Variants in CATSPERD observed in about 807,000 individuals in gnomAD.
CATSPERD encodes cation channel sperm-associated auxiliary subunit delta.
A neutral mutation model predicts 98.1 loss-of-function variants in CATSPERD; 86 were observed. The ratio of observed to expected loss-of-function variants is 0.88; its 90% CI spans 0.74 to 1.05. CATSPERD has a LOEUF of 1.05. Ranked by LOEUF, CATSPERD falls within the 50% of genes least tolerant of loss-of-function variation. The pLI is 0.00. For synonymous variants in CATSPERD, 394 were observed against 390.2 expected (o/e 1.01, Z -0.12); for missense variants, 995 against 1,005.7 (o/e 0.99, Z 0.14).
At chr19:5,734,240 C>T (rs567412061) in intron 5 of CATSPERD, among the ~76,000 whole-genome samples, 3 of 152,328 alleles carry the variant, frequency 2.0e-5, no homozygotes, top group Non-Finnish European at 2.9e-5. Flanking sequence ...CGCTGGCTCA[C>T]GCCTGTGATC....
chr19:5,736,983 G>A (rs1222872358), intron 5 of CATSPERD, among the ~76,000 whole-genome samples, 155 bp from the exon 6 acceptor site: 2 of 152,100 alleles, frequency 1.3e-5, no homozygotes, highest in African/African-American at 4.8e-5. Context: ...CATGAACCCG[G>A]GAGGTGGAGC....
At chr19:5,730,561 A>AAATAAATAAAT (rs138756212) in intron 4 of CATSPERD, among the ~76,000 whole-genome samples, 46 of 149,288 alleles carry the variant, frequency 3.1e-4, no homozygotes, top group African/African-American at 8.6e-4. Context: ...ATAATAAAAT[A>AAATAAATAAAT]AAATAAATAA....
chr19:5,725,023 C>T (rs1385742251), intron 2 of CATSPERD, among the ~76,000 whole-genome samples, 161 bp downstream of exon 2: 1 of 152,140 alleles, frequency 6.6e-6, no homozygotes, highest in Non-Finnish European at 1.5e-5. Context: ...AGGGATTAAT[C>T]TTTCCCATTT....
At chr19:5,732,966 C>T (rs2055757101) in intron 4 of CATSPERD, among the ~76,000 whole-genome samples, 1 of 151,684 alleles carries the variant, frequency 6.6e-6, no homozygotes, top group African/African-American at 2.4e-5. Context: ...CGTGAGCCAC[C>T]ATGCTCGGCC....
At chr19:5,735,937 T>C (rs2055836932) in intron 5 of CATSPERD, among the ~76,000 whole-genome samples, 1 of 151,766 alleles carries the variant, frequency 6.6e-6, no homozygotes, top group African/African-American at 2.4e-5. Flanking sequence ...CCTGCCACCA[T>C]GCCTAGCTAA....
chr19:5,771,562 C>T (rs1338187791), intron 19 of CATSPERD, among the ~76,000 whole-genome samples: 2 of 151,854 alleles, frequency 1.3e-5, no homozygotes, highest in African/African-American at 4.8e-5. Context: ...TATGCCTGTG[C>T]ACTCCTGCTG....
At chr19:5,722,557 T>C in intron 1 of CATSPERD, among the ~76,000 whole-genome samples, 1 of 152,140 alleles carries the variant, frequency 6.6e-6, no homozygotes, top group East Asian at 1.9e-4. Context: ...GTTCTGAAAA[T>C]GTGGGTTATA....
At chr19:5,733,999 G>GT in intron 5 of CATSPERD, 29 bp downstream of exon 5, 1 of 1,428,496 alleles carries the variant, frequency 7.0e-7, no homozygotes, top group Non-Finnish European at 9.7e-7. Flanking sequence ...TTTAAATTTT[G>GT]TTTGAGTGTA....
Position 5,778,547 on chromosome 19 carries a change from G to T in CATSPERD, c.2268G>T (p.Lys756Asn), listed in dbSNP as rs375385002. ...GCACAGCACGCGGCCGCAGGATCAA[G>T]AAGTGTGCGACACAGCTGTGTAGGA... is the stretch of plus-strand genomic sequence containing the variant. ...LLRTARGRRI[K>N]KCATQLCRRC... The change falls in exon 22 of 22, where the codon AAG becomes AAT. Residue 756 changes from lysine (K) to asparagine (N), a missense_variant. This residue lies in a region of CATSPERD where 762 missense variants were observed against 773.7 expected (regional missense o/e 0.98). Coordinates refer to ENST00000381624, the MANE Select transcript of CATSPERD (RefSeq NM_152784.4). 1.2e-6 allele frequency: 2 copies of T among 1,613,986 alleles called. No homozygotes were observed. The highest frequency in any genetic ancestry group is 1.7e-5 in the Admixed American group (1 of 59,998).
intron 3 of CATSPERD, among the ~76,000 whole-genome samples, chr19:5,728,760 G>T (rs542225026): frequency 6.7e-6 from 1 of 150,156 alleles, no homozygotes. Flanking sequence ...ATGCAGTGGC[G>T]CAATCTCGGC....
At chr19:5,721,393 C>G (rs985181682) in intron 1 of CATSPERD, among the ~76,000 whole-genome samples, 1 of 152,104 alleles carries the variant, frequency 6.6e-6, no homozygotes, top group Non-Finnish European at 1.5e-5. Flanking sequence ...CTCACTGCAA[C>G]CCCCGCCTCC....
intron 15 of CATSPERD, among the ~76,000 whole-genome samples, chr19:5,760,918 G>A (rs1209618093): frequency 1.3e-5 from 2 of 150,460 alleles, no homozygotes; most frequent in African/African-American, 4.9e-5. Context: ...GACCCTGGGC[G>A]ACAGAGCGAG....
intron 3 of CATSPERD, 125 bp downstream of exon 3, chr19:5,727,469 A>G (rs1326725987): frequency 1.4e-6 from 1 of 702,912 alleles, no homozygotes; most frequent in Non-Finnish European, 2.5e-6. Flanking sequence ...GCTGGCCTGT[A>G]GGGAGTCCAT....
intron 13 of CATSPERD, among the ~76,000 whole-genome samples, chr19:5,755,955 TG>T (rs2056316652): frequency 6.6e-6 from 1 of 152,040 alleles, no homozygotes; most frequent in Non-Finnish European, 1.5e-5. Context: ...CACTCCAGCC[TG>T]GGTAACAGAG....
chr19:5,758,968 G>A, intron 14 of CATSPERD, 118 bp from the exon 15 acceptor site: 3 of 814,366 alleles, frequency 3.7e-6, no homozygotes, highest in Non-Finnish European at 6.4e-6. Flanking sequence ...GGGCTAAGCG[G>A]CTTCCAGGTT....
rs201591484 is a variant in CATSPERD, at chr19:5,724,812, C to T, written c.76C>T (p.Arg26Cys). 2.7e-5 allele frequency: 43 copies of T among 1,613,776 alleles called. No individual in the cohort carries two copies. In the African/African-American group the frequency reaches 3.6e-4, roughly 14 times the overall value. ...GGTCTTTCTTGTCACTTCTAGTTCTCGCACAGTGAGGACAGGAAAAGTGTT... is the reference window on the plus strand; with the variant it reads ...GGTCTTTCTTGTCACTTCTAGTTCTTGCACAGTGAGGACAGGAAAAGTGTT... ...PLVTAQLCRS[R>C]TVRTGKVFNL... is the part of the protein sequence containing the mutation. Residue 26 changes from arginine (R) to cysteine (C), a missense_variant, in exon 2 of 22, where the codon CGC becomes TGC. This residue lies in a region of CATSPERD where 228 missense variants were observed against 209.6 expected (regional missense o/e 1.09). Transcript: ENST00000381624.
intron 10 of CATSPERD, among the ~76,000 whole-genome samples, chr19:5,748,570 G>A (rs2056140874): frequency 6.9e-6 from 1 of 144,238 alleles, no homozygotes; most frequent in Non-Finnish European, 1.5e-5. Context: ...GGTGGAGTGA[G>A]CAGTGAGCAG....
chr19:5,765,283 A>G lies in CATSPERD; in HGVS notation c.1507-820A>G, dbSNP rs79793719. 4.6e-5 allele frequency among the ~76,000 whole-genome samples: 7 copies of G among 152,292 alleles called. No individual in the cohort carries two copies. The East Asian group carries it at 1.4e-3, about 29-fold the overall frequency. On this transcript the variant is annotated intron_variant, in intron 16 of 21. Coordinates refer to ENST00000381624, the MANE Select transcript of CATSPERD (RefSeq NM_152784.4). ...TCCTGTGGCTTTTAGACTCCATTGT[A>G]TAACTCTGAGGGTGCCGTGCACTGC...
At chr19:5,768,319 AT>A in intron 18 of CATSPERD, 77 bp downstream of exon 18, 1 of 564,836 alleles carries the variant, frequency 1.8e-6, no homozygotes, top group Non-Finnish European at 2.8e-6. Flanking sequence ...CAAATTAGGA[AT>A]TTTATTTATT....
Sources: gnomAD v4.1 joint callset for allele counts (sites outside exome capture counted in the v4.1 genomes callset) on GRCh38, gnomAD v4.1.1 for gene constraint, gnomAD v4.1.1 regional missense constraint, MANE v1.5 for transcripts, NCBI Gene and HGNC (gene_info 2026-07-23, HGNC 2026-07-21) for gene names.